Variants in YPEL1 observed in about 807,000 individuals in gnomAD.
The protein encoded by YPEL1 is yippee like 1.
Under a neutral mutation model 17.3 loss-of-function variants are expected in YPEL1, and 7 were observed. The ratio of observed to expected loss-of-function variants is 0.40; its 90% CI spans 0.23 to 0.76. YPEL1 has a LOEUF of 0.76. Ranked by LOEUF, YPEL1 falls within the 30% of genes least tolerant of loss-of-function variation. The pLI is 0.35. For synonymous variants in YPEL1, 59 were observed against 59.6 expected (o/e 0.99, Z 0.05); for missense variants, 91 against 155.5 (o/e 0.59, Z 2.21).
rs575745961 is a variant in YPEL1 at position 21,701,222 on chromosome 22, G to T, written c.271-4C>A. On this transcript the variant is annotated splice_polypyrimidine_tract_variant and splice_region_variant and intron_variant, in intron 4 of 4. Coordinates refer to ENST00000339468, the MANE Select transcript of YPEL1 (RefSeq NM_013313.5). ...GACTGCTCTCAAAGGCATGCTCCTT[G>T]AAAAAGAAGAGACAAAGGTTTCAGG... is the stretch of plus-strand genomic sequence containing the variant. The T allele has an allele frequency of 6.2e-7, 1 of 1,610,658 alleles. No individual in the cohort carries two copies. Among genetic ancestry groups the T allele is most frequent in the Non-Finnish European group, 8.5e-7 (1 of 1,177,478 alleles).
rs771265338 is a variant in YPEL1 at position 21,703,518 on chromosome 22, C to T, written c.162-40G>A. On this transcript the variant is annotated intron_variant, in intron 3 of 4. Coordinates refer to ENST00000339468, the MANE Select transcript of YPEL1 (RefSeq NM_013313.5). The surrounding 1 kb of genome is among the most constrained non-coding windows in gnomAD (Gnocchi z 6.1). ...GGGCCACTGCGCTGCAGGCCCGGCC[C>T]GCCCCTGACCAGGCCCTGCCCCCTC... is the stretch of plus-strand genomic sequence containing the variant. 5.1e-6 allele frequency: 8 copies of T among 1,562,966 alleles called. No individual in the cohort carries two copies. The highest frequency in any genetic ancestry group is 5.0e-5 in the Admixed American group (3 of 59,714).
intron 1 of YPEL1, among the ~76,000 whole-genome samples, chr22:21,715,480 G>A (rs140220224): frequency 1.1e-3 from 169 of 151,970 alleles, no homozygotes; most frequent in African/African-American, 4.0e-3. Flanking sequence ...GAGACAGAGT[G>A]AGACTCCATC....
intron 1 of YPEL1, among the ~76,000 whole-genome samples, chr22:21,721,321 T>C (rs1192138255): frequency 6.6e-6 from 1 of 151,828 alleles, no homozygotes; most frequent in African/African-American, 2.4e-5. Context: ...GGTTTCACCA[T>C]GTTAGCCAGG....
rs978329708 is a variant in YPEL1, at chr22:21,699,762, G to A, written c.*1367C>T. 2 of 152,696 alleles carry A rather than the reference G, an allele frequency of 1.3e-5. No homozygotes were observed. Among genetic ancestry groups the A allele is most frequent in the African/African-American group, 2.4e-5 (1 of 41,422 alleles). 9.5% of individuals were successfully genotyped at this position (152,696 alleles called of 1,614,324 possible). A position where few individuals can be genotyped will look rare whatever the true frequency, so the allele number is the denominator to read the frequency against. On this transcript the variant is annotated 3_prime_UTR_variant, in exon 5 of 5. Transcript: ENST00000339468. ...TTCTTTTTCTTCAAGTACATCCAGG[G>A]TAGAAAATGAAATCTGACTTTTCCT...
In YPEL1 at chr22:21,700,175, CA is replaced by C. The variant is rs1382573616; in HGVS notation, c.*953del. On this transcript the variant is annotated 3_prime_UTR_variant, in exon 5 of 5. Transcript: ENST00000339468. The stretch of plus-strand genomic sequence containing the variant: ...AGGGTTCATTTGCAAGAGGAATAGC[CA>C]ATTTGAAGTTCTGCAAATTTAAGAA... 1 of 152,230 alleles carries C rather than the reference CA, an allele frequency of 6.6e-6. No homozygotes were observed. Among genetic ancestry groups the C allele is most frequent in the African/African-American group, 2.4e-5 (1 of 41,400 alleles). 9.4% of individuals were successfully genotyped at this position (152,230 alleles called of 1,614,324 possible). A position where few individuals can be genotyped will look rare whatever the true frequency, so the allele number is the denominator to read the frequency against.
rs140466109 is a variant in YPEL1, at chr22:21,732,013, G to C, written c.-165+3602C>G. Among the ~76,000 whole-genome samples, 215 of 152,340 alleles carry C rather than the reference G, an allele frequency of 1.4e-3. No individual in the cohort carries two copies. In the East Asian group the frequency reaches 0.035, roughly 25 times the overall value. On this transcript the variant is annotated intron_variant, in intron 1 of 4. Transcript: ENST00000339468. The stretch of plus-strand genomic sequence containing the variant: ...GGCCCCGGCCCAAGGCCCTGCAGGT[G>C]CCAGAGGGCCTACTGAGCAATGGGG...
rs563179437 is a variant in YPEL1, at chr22:21,724,878, C to T, written c.-165+10737G>A. ...TAGAGGCATGAACCATTGCACCAGC[C>T]TAAGAAAATAAAATTTTATTTTACT... On this transcript the variant is annotated intron_variant, in intron 1 of 4. Coordinates refer to ENST00000339468, the MANE Select transcript of YPEL1 (RefSeq NM_013313.5). 2.6e-5 allele frequency among the ~76,000 whole-genome samples: 4 copies of T among 151,720 alleles called. No individual in the cohort carries two copies. The South Asian group carries it at 8.3e-4, about 32-fold the overall frequency.
chr22:21,728,902 G>A (rs2148614957), intron 1 of YPEL1, among the ~76,000 whole-genome samples: 1 of 152,264 alleles, frequency 6.6e-6, no homozygotes, highest in African/African-American at 2.4e-5. Flanking sequence ...CAGCACTTTG[G>A]GAGGCCGAGG....
intron 1 of YPEL1, among the ~76,000 whole-genome samples, chr22:21,716,777 C>T (rs1405490643): frequency 6.6e-6 from 1 of 152,192 alleles, no homozygotes; most frequent in Non-Finnish European, 1.5e-5. Context: ...AGAAACAATG[C>T]CCCATGAGCA....
intron 1 of YPEL1, among the ~76,000 whole-genome samples, chr22:21,716,342 A>T (rs1213071786): frequency 6.6e-6 from 1 of 152,266 alleles, no homozygotes; most frequent in Non-Finnish European, 1.5e-5. Flanking sequence ...AAATAAAAGG[A>T]TGTTTTCTTA....
rs566111594 is a variant in YPEL1 at position 21,711,443 on chromosome 22, T to C, written c.-164-535A>G. Reference sequence around the variant, plus strand: ...CAAGACGCCCGGTGAGTGGGCCCGGTGGCAGGGCTGGATGCACCCCACCCC... The same window carrying C: ...CAAGACGCCCGGTGAGTGGGCCCGGCGGCAGGGCTGGATGCACCCCACCCC... On this transcript the variant is annotated intron_variant, in intron 1 of 4. Transcript: ENST00000339468. Among the ~76,000 whole-genome samples, 147 of 152,322 alleles carry C rather than the reference T, an allele frequency of 9.7e-4. 1 individual carries two copies. The highest frequency in any genetic ancestry group is 1.4e-3 in the Non-Finnish European group (97 of 68,026).
intron 1 of YPEL1, 107 bp from the exon 2 acceptor site, chr22:21,711,015 G>A: frequency 2.7e-6 from 1 of 374,496 alleles, no homozygotes; most frequent in Non-Finnish European, 5.0e-6. Context: ...TGGGGGGGTG[G>A]CAGGACTAGA....
chr22:21,708,334 T>TC lies in YPEL1; in HGVS notation c.117+2293_117+2294insG, dbSNP rs1487084892. 6.8e-5 allele frequency among the ~76,000 whole-genome samples: 9 copies of TC among 133,252 alleles called. No individual in the cohort carries two copies. In the East Asian group the frequency reaches 1.6e-3, roughly 24 times the overall value. 87.4% of individuals were successfully genotyped at this position (133,252 alleles called of 152,430 possible). ...TGACTTCTGAGCAGGCTTCTGCCTT[T>TC]TTTTTTTTTTTTTTTTTTTGAGACA... is the stretch of plus-strand genomic sequence containing the variant. On this transcript the variant is annotated intron_variant, in intron 2 of 4. Coordinates refer to ENST00000339468, the MANE Select transcript of YPEL1 (RefSeq NM_013313.5).
Position 21,703,107 on chromosome 22 carries a change from G to A in YPEL1, c.270+263C>T, listed in dbSNP as rs753726578. ...GCCGAGGGCGGGCTGGGTGCAGAGAGCCTGGCTTAGGAAGAAACAGGGCTT... is the reference window on the plus strand; with the variant it reads ...GCCGAGGGCGGGCTGGGTGCAGAGAACCTGGCTTAGGAAGAAACAGGGCTT... On this transcript the variant is annotated intron_variant, in intron 4 of 4. Transcript: ENST00000339468. The surrounding 1 kb of genome is among the most constrained non-coding windows in gnomAD (Gnocchi z 6.1). 3.9e-5 allele frequency among the ~76,000 whole-genome samples: 6 copies of A among 152,170 alleles called. No homozygotes were observed. Among genetic ancestry groups the A allele is most frequent in the Non-Finnish European group, 7.3e-5 (5 of 68,036 alleles).
At chr22:21,704,134 G>A (rs1601624515) in intron 2 of YPEL1, 5 of 718,350 alleles carry the variant, frequency 7.0e-6, no homozygotes, top group Middle Eastern at 4.6e-4. Flanking sequence ...GACTATTATT[G>A]GGAATCATGG....
intron 1 of YPEL1, among the ~76,000 whole-genome samples, chr22:21,735,052 G>A (rs2068423130): frequency 1.3e-5 from 2 of 152,146 alleles, no homozygotes; most frequent in African/African-American, 4.8e-5. Context: ...CATCAAAGAT[G>A]TCAATCAGAG....
At chr22:21,704,031 T>G in intron 2 of YPEL1, 149 bp from the exon 3 acceptor site, 1 of 843,802 alleles carries the variant, frequency 1.2e-6, no homozygotes. Context: ...CCTCCAGAAC[T>G]CCACTTCTAA....
chr22:21,733,174 T>C (rs992113904), intron 1 of YPEL1, among the ~76,000 whole-genome samples: 3 of 152,048 alleles, frequency 2.0e-5, no homozygotes, highest in African/African-American at 7.2e-5. Context: ...CCCACCACTT[T>C]GGGAGGCTGA....
At chr22:21,712,367 T>TAAAAAAAAA (rs34536579) in intron 1 of YPEL1, among the ~76,000 whole-genome samples, 8 of 130,580 alleles carry the variant, frequency 6.1e-5, no homozygotes, top group Non-Finnish European at 9.7e-5. Flanking sequence ...TTGGAATATG[T>TAAAAAAAAA]AAAAAAAAAA....
Sources: allele counts gnomAD v4.1 joint callset (sites outside exome capture counted in the v4.1 genomes callset), GRCh38; gene constraint gnomAD v4.1.1; non-coding constraint Gnocchi (gnomAD v3.1); transcripts MANE v1.5; gene names NCBI Gene and HGNC (gene_info 2026-07-23, HGNC 2026-07-21).